The following SERGEF variants were observed in gnomAD, a reference collection of about 807,000 sequenced individuals.
SERGEF encodes the protein secretion regulating guanine nucleotide exchange factor.
SERGEF carries 51 observed loss-of-function variants against 50.0 expected under a neutral mutation model. The ratio of observed to expected loss-of-function variants is 1.02; its 90% CI spans 0.81 to 1.29. SERGEF has a LOEUF of 1.29. Ranked by LOEUF, SERGEF falls within the 50% of genes most tolerant of loss-of-function variation. SERGEF has a pLI of 0.00. For synonymous variants in SERGEF, 205 were observed against 212.4 expected (o/e 0.97, Z 0.30); for missense variants, 521 against 557.0 (o/e 0.94, Z 0.65).
Position 18,000,492 on chromosome 11 carries a change from A to T in SERGEF, c.508+5T>A. The stretch of plus-strand genomic sequence containing the variant: ...AAAATAAAAAAATAAAGATAAGATG[A>T]TCACCTGTAGCAGCTACTGCATGCC... On this transcript the variant is annotated splice_donor_5th_base_variant and intron_variant, in intron 5 of 10. Coordinates refer to ENST00000265965, the MANE Select transcript of SERGEF (RefSeq NM_012139.4). 2.6e-6 allele frequency: 4 copies of T among 1,556,510 alleles called. No homozygotes were observed. Among genetic ancestry groups the T allele is most frequent in the Non-Finnish European group, 3.5e-6 (4 of 1,150,870 alleles).
intron 10 of SERGEF, among the ~76,000 whole-genome samples, chr11:17,840,123 C>T (rs1850474788): frequency 6.6e-6 from 1 of 152,232 alleles, no homozygotes; most frequent in Non-Finnish European, 1.5e-5. Context: ...GGCTCACCAT[C>T]TGCTCCAGTT....
intron 10 of SERGEF, among the ~76,000 whole-genome samples, chr11:17,844,558 A>G (rs1850566854): frequency 6.6e-6 from 1 of 152,224 alleles, no homozygotes; most frequent in Non-Finnish European, 1.5e-5. Flanking sequence ...TGATGGACAT[A>G]AAGAAAGAGC....
chr11:17,809,778 G>A (rs1235531865), intron 10 of SERGEF, among the ~76,000 whole-genome samples: 1 of 152,186 alleles, frequency 6.6e-6, no homozygotes, highest in Non-Finnish European at 1.5e-5. Flanking sequence ...CAGGAGACTA[G>A]GAGGATGGAA....
intron 10 of SERGEF, among the ~76,000 whole-genome samples, chr11:17,827,233 G>C (rs1251317671): frequency 6.6e-6 from 1 of 152,162 alleles, no homozygotes; most frequent in South Asian, 2.1e-4. Context: ...GGAAACTGGA[G>C]GGTCCTTGAG....
intron 10 of SERGEF, among the ~76,000 whole-genome samples, chr11:17,815,436 T>TAAAA (rs763972184): frequency 6.5e-5 from 7 of 108,362 alleles, no homozygotes; most frequent in East Asian, 2.6e-4. Flanking sequence ...CCATCTCTAC[T>TAAAA]AAAAAAAAAA....
chr11:17,967,283 G>C (rs562925298), intron 8 of SERGEF, among the ~76,000 whole-genome samples: 2 of 152,296 alleles, frequency 1.3e-5, no homozygotes, highest in African/African-American at 4.8e-5. Context: ...GGGATGCACA[G>C]GTCTGTCTGA....
intron 10 of SERGEF, among the ~76,000 whole-genome samples, chr11:17,825,120 A>C (rs1850167828): frequency 6.6e-6 from 1 of 152,172 alleles, no homozygotes; most frequent in Admixed American, 6.5e-5. Context: ...TCATCCATTC[A>C]ACTGACAAAC....
intron 10 of SERGEF, among the ~76,000 whole-genome samples, chr11:17,840,475 C>A (rs993853022): frequency 6.6e-6 from 1 of 152,182 alleles, no homozygotes; most frequent in Admixed American, 6.5e-5. Flanking sequence ...CAGAAGGACA[C>A]GAAACCTCCT....
At chr11:17,885,354 C>T (rs1851409887) in intron 9 of SERGEF, among the ~76,000 whole-genome samples, 1 of 152,126 alleles carries the variant, frequency 6.6e-6, no homozygotes, top group African/African-American at 2.4e-5. Flanking sequence ...CAGGGTCTTG[C>T]TCTATTGCCC....
chr11:17,803,449 G>A (rs536819227), intron 10 of SERGEF, among the ~76,000 whole-genome samples: 2 of 152,356 alleles, frequency 1.3e-5, no homozygotes, highest in East Asian at 1.9e-4. Context: ...AGTTGTTGCT[G>A]CTCAGTAGTT....
chr11:17,985,164 T>A (rs887209624), intron 8 of SERGEF, among the ~76,000 whole-genome samples: 1 of 152,166 alleles, frequency 6.6e-6, no homozygotes, highest in African/African-American at 2.4e-5. Context: ...CAAGGTGGCA[T>A]TATCCCTGTG....
chr11:17,878,556 G>A (rs1168166118), intron 9 of SERGEF, among the ~76,000 whole-genome samples: 2 of 152,132 alleles, frequency 1.3e-5, no homozygotes, highest in East Asian at 3.8e-4. Flanking sequence ...TCTAAAATGA[G>A]CATATGTTAC....
intron 10 of SERGEF, among the ~76,000 whole-genome samples, chr11:17,857,168 T>C (rs1850836120): frequency 6.6e-6 from 1 of 152,188 alleles, no homozygotes; most frequent in Non-Finnish European, 1.5e-5. Context: ...GTTGCCGACG[T>C]TCTATCTCCA....
intron 9 of SERGEF, among the ~76,000 whole-genome samples, chr11:17,937,151 G>A (rs187514622): frequency 1.9e-4 from 29 of 152,070 alleles, no homozygotes; most frequent in African/African-American, 6.7e-4. Flanking sequence ...TAATATAATT[G>A]TAGGTGGAAA....
Position 18,012,934 on chromosome 11 carries a change from G to GGGGCGGAGTCACGTACCC in SERGEF, c.59_60+16dup. 6.6e-7 allele frequency: 1 copy of GGGGCGGAGTCACGTACCC among 1,518,388 alleles called. No individual in the cohort carries two copies. The highest frequency in any genetic ancestry group is 1.2e-5 in the South Asian group (1 of 82,522). 94.1% of individuals were successfully genotyped at this position (1,518,388 alleles called of 1,614,324 possible). On this transcript the variant is annotated intron_variant, in intron 1 of 10. Coordinates refer to ENST00000265965, the MANE Select transcript of SERGEF (RefSeq NM_012139.4). ...GCCCCTCAGGGCCTGCACCGGCCCG[G>GGGGCGGAGTCACGTACCC]GGGCGGAGTCACGTACCCAGGCGAA...
chr11:18,004,330 C>G, intron 4 of SERGEF, 111 bp downstream of exon 4: 1 of 710,950 alleles, frequency 1.4e-6, no homozygotes, highest in Non-Finnish European at 2.3e-6. Flanking sequence ...AATTCTCCTA[C>G]TCCATGGGTT....
At chr11:17,807,061 C>G (rs1463575749) in intron 10 of SERGEF, among the ~76,000 whole-genome samples, 1 of 152,156 alleles carries the variant, frequency 6.6e-6, no homozygotes, top group Non-Finnish European at 1.5e-5. Flanking sequence ...GCCCCCAACT[C>G]GATGGAATAG....
chr11:17,866,652 G>A (rs1262927253), intron 10 of SERGEF: 2 of 152,214 alleles, frequency 1.3e-5, no homozygotes, highest in Non-Finnish European at 2.9e-5. Flanking sequence ...TTACAGGCAT[G>A]TGCCACTAAG....
chr11:17,995,757 C>A (rs1188576546), intron 6 of SERGEF, 39 bp downstream of exon 6: 1 of 1,392,820 alleles, frequency 7.2e-7, no homozygotes, highest in Non-Finnish European at 1.0e-6. Flanking sequence ...TACTTCCTGA[C>A]AAAGAACAAA....
Sources: gnomAD v4.1 joint callset for allele counts (sites outside exome capture counted in the v4.1 genomes callset) on GRCh38, gnomAD v4.1.1 for gene constraint, MANE v1.5 for transcripts, NCBI Gene and HGNC (gene_info 2026-07-23, HGNC 2026-07-21) for gene names.